CHODL: variants seen among roughly 807,000 people sequenced by gnomAD.
CHODL encodes the protein chondrolectin.
CHODL carries 29 observed loss-of-function variants against 34.5 expected under a neutral mutation model. The ratio of observed to expected loss-of-function variants is 0.84; its 90% CI spans 0.63 to 1.15. CHODL has a LOEUF of 1.15. Ranked by LOEUF, CHODL falls within the 50% of genes most tolerant of loss-of-function variation. The pLI is 0.00. For synonymous variants in CHODL, 125 were observed against 116.1 expected, an observed-to-expected ratio of 1.08 and a Z score of -0.49; for missense variants, 332 against 332.5, an observed-to-expected ratio of 1.00 and a Z score of 0.01.
intron 3 of CHODL, among the ~76,000 whole-genome samples, chr21:18,257,765 A>G (rs2074335157): frequency 6.6e-6 from 1 of 152,162 alleles, no homozygotes; most frequent in Non-Finnish European, 1.5e-5. Flanking sequence ...GGAATCTTAC[A>G]TTGACTTGAG....
chr21:18,208,843 TTCTC>T (rs969554596), intron 2 of CHODL, among the ~76,000 whole-genome samples: 1 of 151,472 alleles, frequency 6.6e-6, no homozygotes, highest in African/African-American at 2.4e-5. Flanking sequence ...AACAGAGTCA[TTCTC>T]TCTCTTTCTC....
At chr21:18,057,680 G>A (rs2064600844) in intron 2 of CHODL, among the ~76,000 whole-genome samples, 1 of 151,446 alleles carries the variant, frequency 6.6e-6, no homozygotes. Context: ...ACATATTTAA[G>A]CTTCCTCCAT....
At chr21:18,105,543 A>G (rs1357674984) in intron 2 of CHODL, among the ~76,000 whole-genome samples, 2 of 152,150 alleles carry the variant, frequency 1.3e-5, no homozygotes, top group Non-Finnish European at 1.5e-5. Context: ...CTTATAGGCC[A>G]TGGACCCACA....
At chr21:18,053,570 A>G (rs981439915) in intron 2 of CHODL, among the ~76,000 whole-genome samples, 5 of 151,988 alleles carry the variant, frequency 3.3e-5, no homozygotes, top group African/African-American at 1.2e-4. Context: ...GATTCTATCA[A>G]ACTTTCAAGT....
intron 2 of CHODL, among the ~76,000 whole-genome samples, chr21:18,114,454 T>C (rs1283317715): frequency 1.3e-5 from 2 of 151,712 alleles, no homozygotes; most frequent in Admixed American, 6.6e-5. Context: ...AAAAAACTTA[T>C]TTATTATTTT....
chr21:17,931,995 T>C (rs2063277351), intron 1 of CHODL, among the ~76,000 whole-genome samples: 1 of 152,054 alleles, frequency 6.6e-6, no homozygotes, highest in African/African-American at 2.4e-5. Context: ...GCAAAAGAAG[T>C]AATCAGTGGA....
rs147502570 is a variant in CHODL at position 18,177,740 on chromosome 21, A to G, written c.-44-78769A>G. On this transcript the variant is annotated intron_variant, in intron 2 of 6. Transcript: ENST00000400127. ...CACTTTAAGATTTACTTAATGTTATATTATCTACTTGACAACATTAATGAA... is the reference window on the plus strand; with the variant it reads ...CACTTTAAGATTTACTTAATGTTATGTTATCTACTTGACAACATTAATGAA... Among the ~76,000 whole-genome samples, 29 of 152,272 alleles carry G rather than the reference A, an allele frequency of 1.9e-4. 1 individual carries two copies. In the East Asian group the frequency reaches 4.6e-3, roughly 24 times the overall value.
At chr21:18,190,932 T>C (rs1397937289) in intron 2 of CHODL, among the ~76,000 whole-genome samples, 1 of 152,152 alleles carries the variant, frequency 6.6e-6, no homozygotes, top group Non-Finnish European at 1.5e-5. Flanking sequence ...CTTTCGTGTC[T>C]GGAAATAAAA....
At chr21:18,262,746 T>A (rs2074397465) in intron 4 of CHODL, 45 bp from the exon 5 acceptor site, 2 of 1,120,578 alleles carry the variant, frequency 1.8e-6, no homozygotes, top group Admixed American at 3.8e-5. Flanking sequence ...GCTTTAGAAT[T>A]CTTCCTCAAC....
At chr21:18,240,674 G>T (rs900154052), upstream of CHODL, among the ~76,000 whole-genome samples, 2 of 151,988 alleles carry the variant, frequency 1.3e-5, no homozygotes, top group African/African-American at 4.8e-5. Context: ...AAAAGTATTG[G>T]TTTATACCAG....
chr21:18,220,985 T>C (rs1376108163), intron 2 of CHODL, among the ~76,000 whole-genome samples: 2 of 152,158 alleles, frequency 1.3e-5, no homozygotes, highest in Non-Finnish European at 2.9e-5. Flanking sequence ...ATAGGTTTTC[T>C]TTGCTTTTTT....
chr21:17,973,688 G>C (rs2063637445), intron 1 of CHODL, among the ~76,000 whole-genome samples: 1 of 151,546 alleles, frequency 6.6e-6, no homozygotes, highest in African/African-American at 2.4e-5. Flanking sequence ...CCAGCGTGCT[G>C]GGATCATAGG....
At chr21:17,938,506 TCTCG>T (rs2063336600) in intron 1 of CHODL, among the ~76,000 whole-genome samples, 1 of 95,602 alleles carries the variant, frequency 1.0e-5, no homozygotes, top group African/African-American at 4.2e-5. Context: ...GGAAAGGGAG[TCTCG>T]CTCCATCGCC....
intron 1 of CHODL, among the ~76,000 whole-genome samples, chr21:17,976,354 A>G (rs1390314792): frequency 2.0e-5 from 3 of 151,840 alleles, no homozygotes; most frequent in African/African-American, 4.8e-5. Context: ...ATGTACAGAC[A>G]AGGAGTGGGT....
rs925043072 is a variant in CHODL, at chr21:18,008,104, CT to C, written c.-144-19759del. On this transcript the variant is annotated intron_variant, in intron 1 of 6. Transcript: ENST00000400127. The stretch of plus-strand genomic sequence containing the variant: ...AATGTGTTAAGTTGAAAAACATTTA[CT>C]TTTTTTTTACTGTGGTGAATTTATT... Among the ~76,000 whole-genome samples, 30 of 150,344 alleles carry C rather than the reference CT, an allele frequency of 2.0e-4. 1 individual carries two copies. The South Asian group carries it at 4.0e-3, about 20-fold the overall frequency.
Position 18,186,410 on chromosome 21 carries a change from T to TAA in CHODL, c.-44-70089_-44-70088dup, listed in dbSNP as rs34659673. Reference sequence around the variant, plus strand: ...GGGAAGAAAAGTTAAAAAAAAAAATTAAAAAAAAAAAGTCATGTTCACTGC... The same window carrying TAA: ...GGGAAGAAAAGTTAAAAAAAAAAATTAAAAAAAAAAAAAGTCATGTTCACTGC... On this transcript the variant is annotated intron_variant, in intron 2 of 6. Coordinates refer to the CHODL transcript ENST00000400127. Among the ~76,000 whole-genome samples the TAA allele has an allele frequency of 6.8e-5, 10 of 146,226 alleles. No homozygotes were observed. In the East Asian group the frequency reaches 1.8e-3, roughly 26 times the overall value.
chr21:18,162,869 G>C (rs140659222), intron 2 of CHODL, among the ~76,000 whole-genome samples: 1 of 152,150 alleles, frequency 6.6e-6, no homozygotes, highest in Admixed American at 6.5e-5. Context: ...TGAAACTCCT[G>C]GGCTCAAGAG....
intron 2 of CHODL, among the ~76,000 whole-genome samples, chr21:18,060,844 G>A (rs768790641): frequency 2.6e-5 from 4 of 152,036 alleles, no homozygotes; most frequent in Non-Finnish European, 4.4e-5. Context: ...CTCACCTGAG[G>A]GGTAAGTCTG....
chr21:18,199,822 G>A (rs1212651199), intron 2 of CHODL, among the ~76,000 whole-genome samples: 1 of 152,062 alleles, frequency 6.6e-6, no homozygotes, highest in Non-Finnish European at 1.5e-5. Flanking sequence ...CCATCCTATG[G>A]ATATACCAGT....
Sources: allele counts gnomAD v4.1 joint callset (sites outside exome capture counted in the v4.1 genomes callset), GRCh38; gene constraint gnomAD v4.1.1; transcripts MANE v1.5; gene names NCBI Gene and HGNC (gene_info 2026-07-23, HGNC 2026-07-21).